The following CENPE variants were observed in gnomAD, a reference collection of about 807,000 sequenced individuals.
The protein encoded by CENPE is centromere-associated protein E.
CENPE carries 145 observed loss-of-function variants against 336.1 expected under a neutral mutation model. The ratio of observed to expected loss-of-function variants is 0.43; its 90% CI spans 0.38 to 0.50. The LOEUF (loss-of-function observed/expected upper bound fraction) is 0.50. Among genes scored for constraint, CENPE ranks in the 20% least tolerant of loss-of-function variants. The pLI is 0.00. For missense variants in CENPE, 2,719 were observed against 3,023.3 expected, an observed-to-expected ratio of 0.90 and a Z score of 2.36; for synonymous variants, 1,013 against 984.8, an observed-to-expected ratio of 1.03 and a Z score of -0.54.
chr4:103,157,340 C>T (rs549113955), intron 24 of CENPE, among the ~76,000 whole-genome samples: 2 of 151,890 alleles, frequency 1.3e-5, no homozygotes, highest in Non-Finnish European at 2.9e-5. Context: ...GTAGAAGCAA[C>T]GCAAGTGTCC....
chr4:103,160,096 A>G (rs1476596807), intron 21 of CENPE, among the ~76,000 whole-genome samples: 1 of 151,908 alleles, frequency 6.6e-6, no homozygotes, highest in Non-Finnish European at 1.5e-5. Context: ...ATGTTTTTGA[A>G]GTTCTTTAGC....
intron 46 of CENPE, among the ~76,000 whole-genome samples, chr4:103,112,729 T>C (rs868752024): frequency 2.7e-4 from 32 of 119,932 alleles, no homozygotes; most frequent in African/African-American, 9.4e-4. Context: ...TATAAGTGTA[T>C]ATATATACTT....
At chr4:103,140,618 T>C (rs1227766169) in intron 36 of CENPE, among the ~76,000 whole-genome samples, 196 bp downstream of exon 36, 1 of 152,162 alleles carries the variant, frequency 6.6e-6, no homozygotes, top group Non-Finnish European at 1.5e-5. Flanking sequence ...CACTTGGACA[T>C]CTTTCTAAAT....
At position 103,158,987 on chromosome 4, in the gene CENPE, T is replaced by C. The variant is rs73837648; in HGVS notation, c.2601+23A>G. On this transcript the variant is annotated intron_variant, in intron 22 of 48. Transcript: ENST00000265148. ...ACCCCAGAAGACTAAGGAGCATTTCTCAAAATAGCATCTTGTACCAACCTC... is the reference window on the plus strand; with the variant it reads ...ACCCCAGAAGACTAAGGAGCATTTCCCAAAATAGCATCTTGTACCAACCTC... 1.9e-3 allele frequency: 2,863 copies of C among 1,531,772 alleles called. 11 individuals carry two copies. Among genetic ancestry groups the C allele is most frequent in the African/African-American group, 0.014 (973 of 71,960 alleles). The allele number at this position is 1,531,772 out of a possible 1,614,324, so 94.9% of individuals were successfully genotyped here.
chr4:103,155,194 A>G (rs968316393), intron 24 of CENPE, among the ~76,000 whole-genome samples: 2 of 152,138 alleles, frequency 1.3e-5, no homozygotes, highest in Non-Finnish European at 2.9e-5. Context: ...TCTTCCCTTC[A>G]TCTTCTATTG....
intron 48 of CENPE, among the ~76,000 whole-genome samples, chr4:103,107,643 C>G (rs1749012465): frequency 6.6e-6 from 1 of 152,152 alleles, no homozygotes; most frequent in Non-Finnish European, 1.5e-5. Flanking sequence ...TGGACAACCT[C>G]CATGCAGAGC....
At chr4:103,195,279 G>T in intron 4 of CENPE, 46 bp from the exon 5 acceptor site, 2 of 1,523,724 alleles carry the variant, frequency 1.3e-6, no homozygotes, top group Non-Finnish European at 1.8e-6. Flanking sequence ...GCATCCAATT[G>T]TGAAAACCTA....
chr4:103,190,607 C>T (rs918478304), intron 8 of CENPE, among the ~76,000 whole-genome samples: 7 of 152,048 alleles, frequency 4.6e-5, no homozygotes, highest in East Asian at 1.9e-4. Flanking sequence ...AAGCTGAAAC[C>T]AGATCCCTTC....
chr4:103,172,957 G>A (rs183635048), intron 16 of CENPE, among the ~76,000 whole-genome samples: 3 of 151,980 alleles, frequency 2.0e-5, no homozygotes, highest in Admixed American at 1.3e-4. Flanking sequence ...GATGTAATGC[G>A]ATATCTATCA....
intron 5 of CENPE, among the ~76,000 whole-genome samples, 188 bp from the exon 6 acceptor site, chr4:103,194,872 A>G (rs2126059038): frequency 6.6e-6 from 1 of 152,164 alleles, no homozygotes; most frequent in South Asian, 2.1e-4. Flanking sequence ...CCAAAGCACA[A>G]CAAATTCTAA....
intron 42 of CENPE, among the ~76,000 whole-genome samples, chr4:103,132,199 G>A (rs1323829963): frequency 1.3e-5 from 2 of 152,118 alleles, no homozygotes; most frequent in African/African-American, 4.8e-5. Flanking sequence ...TGTTTGTGGA[G>A]ATGGGGTATA....
intron 9 of CENPE, among the ~76,000 whole-genome samples, chr4:103,184,540 G>A (rs771648170): frequency 6.6e-6 from 1 of 152,054 alleles, no homozygotes; most frequent in Non-Finnish European, 1.5e-5. Flanking sequence ...TATGATATAT[G>A]GATCCGACTT....
intron 35 of CENPE, 25 bp from the exon 36 acceptor site, chr4:103,141,129 G>A (rs1560620162): frequency 2.2e-6 from 3 of 1,376,210 alleles, no homozygotes. Flanking sequence ...AAAATAATAT[G>A]TTAGGTGGCT....
chr4:103,125,897 T>C (rs1578560460), intron 42 of CENPE, among the ~76,000 whole-genome samples: 3 of 139,200 alleles, frequency 2.2e-5, no homozygotes, highest in African/African-American at 8.0e-5. Context: ...AGGAGTTACC[T>C]AACAAGGAAA....
At chr4:103,163,372 T>C in intron 17 of CENPE, 107 bp downstream of exon 17, 1 of 1,274,566 alleles carries the variant, frequency 7.8e-7, no homozygotes, top group Non-Finnish European at 1.1e-6. Flanking sequence ...GTCACTAATA[T>C]TTTAAAAACA....
Position 103,143,230 on chromosome 4 carries a change from A to G in CENPE, c.5304+18T>C. Reference sequence around the variant, plus strand: ...GATTCAAACTCTCAGTAACTGAGATAACTTAAAAATAAAATACCTGTGCTT... The same window carrying G: ...GATTCAAACTCTCAGTAACTGAGATGACTTAAAAATAAAATACCTGTGCTT... On this transcript the variant is annotated intron_variant, in intron 34 of 48. Coordinates refer to ENST00000265148, the MANE Select transcript of CENPE (RefSeq NM_001813.3). The G allele has an allele frequency of 6.5e-7, 1 of 1,547,144 alleles. No individual in the cohort carries two copies. The highest frequency in any genetic ancestry group is 1.2e-5 in the South Asian group (1 of 82,844).
At position 103,149,165 on chromosome 4, in the gene CENPE, T is replaced by C; in HGVS notation, c.3640A>G (p.Thr1214Ala). ...TATCCTCTAAGGTGGTCTCTCTCTG[T>C]TTCAAATGACTTCTGTAATTCCTTT... ...VLKELQKSFE[T>A]ERDHLRGYIR... The change falls in exon 27 of 49, where the codon ACA (threonine) becomes GCA (alanine). Residue 1214 changes from threonine to alanine, a missense_variant. Around this residue, in one of 5 missense-constraint regions of CENPE, gnomAD observed 2,437 missense variants for 2,513.3 expected, o/e 0.97. Coordinates refer to ENST00000265148, the MANE Select transcript of CENPE (RefSeq NM_001813.3). 1 of 1,608,946 alleles carries C rather than the reference T, an allele frequency of 6.2e-7. No individual in the cohort carries two copies. The highest frequency in any genetic ancestry group is 8.5e-7 in the Non-Finnish European group (1 of 1,179,244).
At position 103,127,960 on chromosome 4, in the gene CENPE, C is replaced by T. The variant is rs547576763; in HGVS notation, c.6924+4733G>A. Among the ~76,000 whole-genome samples, 5 of 152,154 alleles carry T rather than the reference C, an allele frequency of 3.3e-5. No individual in the cohort carries two copies. In the South Asian group the frequency reaches 1.0e-3, roughly 32 times the overall value. On this transcript the variant is annotated intron_variant, in intron 42 of 48. Transcript: ENST00000265148. The stretch of plus-strand genomic sequence containing the variant: ...ACCTTAAACGTCAATGGTCTAAATA[C>T]ACCAATTAAAAGACCGACTGTCAAA...
intron 42 of CENPE, among the ~76,000 whole-genome samples, chr4:103,125,813 C>T (rs1449194327): frequency 1.4e-5 from 2 of 142,530 alleles, no homozygotes; most frequent in Admixed American, 7.4e-5. Context: ...TGCAGTGAGC[C>T]GAGATTGAGC....
Sources: gnomAD v4.1 joint callset for allele counts (sites outside exome capture counted in the v4.1 genomes callset) on GRCh38, gnomAD v4.1.1 for gene constraint, gnomAD v4.1.1 regional missense constraint, MANE v1.5 for transcripts, NCBI Gene and HGNC (gene_info 2026-07-23, HGNC 2026-07-21) for gene names.